The following CIBAR2 variants were observed in gnomAD, a reference collection of about 807,000 sequenced individuals.
The protein encoded by CIBAR2 is CBY1 interacting BAR domain containing 2.
CIBAR2 carries 38 observed loss-of-function variants against 36.2 expected under a neutral mutation model. The ratio of observed to expected loss-of-function variants is 1.05; its 90% CI spans 0.81 to 1.38. The LOEUF is 1.38. Ranked by LOEUF, CIBAR2 falls within the 40% of genes most tolerant of loss-of-function variation. The pLI, the probability that CIBAR2 is intolerant of heterozygous loss-of-function variation, is 0.00. For missense variants in CIBAR2, 481 were observed against 383.4 expected (o/e 1.25, Z -2.13); for synonymous variants, 182 against 149.5 (o/e 1.22, Z -1.58).
intron 7 of CIBAR2, among the ~76,000 whole-genome samples, chr16:85,101,531 G>C (rs901055254): frequency 3.9e-5 from 6 of 152,132 alleles, no homozygotes; most frequent in African/African-American, 1.4e-4. Flanking sequence ...GCGGAAGGGT[G>C]TTACAGATAA....
intron 2 of CIBAR2, among the ~76,000 whole-genome samples, chr16:85,109,827 G>T (rs9944358): frequency 0.22 from 33,499 of 152,018 alleles, 4,813 homozygotes; most frequent in African/African-American, 0.42. Context: ...ATGGTGAGGA[G>T]TTTTCTGGGC....
chr16:85,110,012 C>A (rs1406575350), intron 2 of CIBAR2, among the ~76,000 whole-genome samples: 1 of 152,124 alleles, frequency 6.6e-6, no homozygotes, highest in African/African-American at 2.4e-5. Context: ...CTTTGTTGAC[C>A]CTTCATCCGA....
In CIBAR2 at chr16:85,100,175, G is replaced by A. The variant is rs779569445; in HGVS notation, c.717C>T (p.Ser239=). The A allele has an allele frequency of 2.5e-6, 4 of 1,611,536 alleles. No homozygotes were observed. Among genetic ancestry groups the A allele is most frequent in the South Asian group, 1.1e-5 (1 of 90,124 alleles). ...GAGACTGAAGAACAGATGGAGGGGG[G>A]CTGGTGTTGGCAAGCAGCCGAGTGT... ...HYDTRLLANT[S]PPPSVLQSLA... The change falls in exon 8 of 9, where the codon AGC becomes AGT. Residue 239 remains serine (S), a synonymous_variant. Coordinates refer to ENST00000539556, the MANE Select transcript of CIBAR2 (RefSeq NM_198491.3).
intron 6 of CIBAR2, 44 bp downstream of exon 6, chr16:85,105,283 C>T (rs762772051): frequency 8.1e-7 from 1 of 1,233,946 alleles, no homozygotes; most frequent in Non-Finnish European, 1.2e-6. Flanking sequence ...CACACACACA[C>T]AAGGCAGCCC....
intron 7 of CIBAR2, among the ~76,000 whole-genome samples, chr16:85,101,474 C>T (rs899275227): frequency 1.3e-5 from 2 of 152,098 alleles, no homozygotes; most frequent in East Asian, 3.9e-4. Flanking sequence ...CCCAGACCCA[C>T]AGAAAAGAAT....
chr16:85,108,245 G>T, intron 2 of CIBAR2, 146 bp from the exon 3 acceptor site: 1 of 726,998 alleles, frequency 1.4e-6, no homozygotes, highest in Non-Finnish European at 2.2e-6. Flanking sequence ...CCCTTTTCCC[G>T]GTGTGTTGGA....
intron 4 of CIBAR2, 25 bp from the exon 5 acceptor site, chr16:85,107,697 C>T (rs150402534): frequency 4.0e-5 from 64 of 1,613,834 alleles, no homozygotes. Context: ...GTTAAGGAAC[C>T]AAGTTAAGCC....
chr16:85,107,465 T>A (rs2074005199), intron 5 of CIBAR2, among the ~76,000 whole-genome samples: 1 of 152,202 alleles, frequency 6.6e-6, no homozygotes, highest in African/African-American at 2.4e-5. Context: ...ATGGAGGGAC[T>A]GATGGTATCA....
chr16:85,109,238 C>T (rs1430162870), intron 2 of CIBAR2, among the ~76,000 whole-genome samples: 1 of 152,104 alleles, frequency 6.6e-6, no homozygotes, highest in Non-Finnish European at 1.5e-5. Flanking sequence ...TGGCGAAACC[C>T]CATCTCTTAA....
intron 1 of CIBAR2, among the ~76,000 whole-genome samples, chr16:85,111,390 G>A (rs958122129): frequency 3.9e-5 from 6 of 152,170 alleles, no homozygotes; most frequent in African/African-American, 1.4e-4. Flanking sequence ...TCTTGCTACC[G>A]GTCACACAGC....
chr16:85,110,720 T>TTTC (rs778091487), intron 1 of CIBAR2, among the ~76,000 whole-genome samples: 1 of 135,404 alleles, frequency 7.4e-6, no homozygotes, highest in Non-Finnish European at 1.6e-5. Flanking sequence ...TTTTTTTTTT[T>TTTC]TGGAGACAGA....
In CIBAR2 at chr16:85,098,795, T is replaced by C. The variant is rs1313457484; in HGVS notation, c.*390A>G. ...GTTTTCTGTGCTTCGTATAGATCTG[T>C]TCATCTGATACTCAGCACAGCCCTA... is the stretch of plus-strand genomic sequence containing the variant. On this transcript the variant is annotated 3_prime_UTR_variant, in exon 9 of 9. Transcript: ENST00000539556. 3.9e-6 allele frequency: 1 copy of C among 257,794 alleles called. No individual in the cohort carries two copies. The highest frequency in any genetic ancestry group is 6.1e-6 in the Non-Finnish European group (1 of 164,090). 16.0% of individuals were successfully genotyped at this position (257,794 alleles called of 1,614,324 possible). A position where few individuals can be genotyped will look rare whatever the true frequency, so the allele number is the denominator to read the frequency against.
At chr16:85,111,812 T>C (rs2074044999) in intron 1 of CIBAR2, among the ~76,000 whole-genome samples, 1 of 152,218 alleles carries the variant, frequency 6.6e-6, no homozygotes, top group Non-Finnish European at 1.5e-5. Flanking sequence ...ATGGCACCAC[T>C]GCACTCCAGC....
rs1371096736 is a variant in CIBAR2 at position 85,110,142 on chromosome 16, G to C, written c.255+84C>G. On this transcript the variant is annotated intron_variant, in intron 2 of 8. Coordinates refer to ENST00000539556, the MANE Select transcript of CIBAR2 (RefSeq NM_198491.3). The stretch of plus-strand genomic sequence containing the variant: ...ACACCCATTGGCTGTGGCCACAGCA[G>C]GGCTCCTGCAGCCCTCAGGCCTGAC... 2.9e-6 allele frequency: 3 copies of C among 1,044,732 alleles called. No homozygotes were observed. In the African/African-American group the frequency reaches 4.8e-5, roughly 17 times the overall value. The allele number at this position is 1,044,732 out of a possible 1,614,324, so 64.7% of individuals were successfully genotyped here.
chr16:85,109,726 T>C (rs1279270156), intron 2 of CIBAR2, among the ~76,000 whole-genome samples: 1 of 152,210 alleles, frequency 6.6e-6, no homozygotes, highest in Non-Finnish European at 1.5e-5. Context: ...CTTAAACTCC[T>C]GGGCTCAGAC....
At position 85,106,951 on chromosome 16, in the gene CIBAR2, G is replaced by A. The variant is rs538881229; in HGVS notation, c.432+716C>T. On this transcript the variant is annotated intron_variant, in intron 5 of 8. Transcript: ENST00000539556. Reference sequence around the variant, plus strand: ...GCCTGAGGTCAGGAGTTCAAGACCAGCCTGGCCAACATGGCAAAACCCCGT... The same window carrying A: ...GCCTGAGGTCAGGAGTTCAAGACCAACCTGGCCAACATGGCAAAACCCCGT... 2.6e-3 allele frequency among the ~76,000 whole-genome samples: 390 copies of A among 152,248 alleles called. 1 individual carries two copies. The highest frequency in any genetic ancestry group is 8.6e-3 in the African/African-American group (359 of 41,532).
At chr16:85,102,994 C>G (rs940419273) in intron 6 of CIBAR2, among the ~76,000 whole-genome samples, 1 of 150,790 alleles carries the variant, frequency 6.6e-6, no homozygotes, top group Admixed American at 6.6e-5. Flanking sequence ...CTCCGCCTCC[C>G]GGGTTCAAGC....
chr16:85,102,905 G>GC (rs1251612703), intron 6 of CIBAR2, among the ~76,000 whole-genome samples: 2 of 132,184 alleles, frequency 1.5e-5, no homozygotes, highest in Non-Finnish European at 3.0e-5. Context: ...TTCACAGGAG[G>GC]CTTTTTTTTT....
chr16:85,101,297 AT>A (rs1423968765), intron 7 of CIBAR2, among the ~76,000 whole-genome samples: 1 of 151,714 alleles, frequency 6.6e-6, no homozygotes, highest in Non-Finnish European at 1.5e-5. Flanking sequence ...CCACATTTTC[AT>A]TTTGCAGTGG....
Sources: allele counts gnomAD v4.1 joint callset (sites outside exome capture counted in the v4.1 genomes callset), GRCh38; gene constraint gnomAD v4.1.1; transcripts MANE v1.5; gene names NCBI Gene and HGNC (gene_info 2026-07-23, HGNC 2026-07-21).